Variants in GSE1 observed in about 807,000 individuals in gnomAD.
GSE1 encodes genetic suppressor element 1.
Under a neutral mutation model 112.6 loss-of-function variants are expected in GSE1, and 32 were observed. That is an observed-to-expected ratio of 0.28 (90% CI 0.21 to 0.38). The LOEUF is 0.38. Among genes scored for constraint, GSE1 ranks in the 10% least tolerant of loss-of-function variants. GSE1 has a pLI of 1.00. For missense variants in GSE1, 2,348 were observed against 1,699.2 expected (o/e 1.38, Z -6.71); for synonymous variants, 1,115 against 735.6 (o/e 1.52, Z -8.35).
intron 1 of GSE1, among the ~76,000 whole-genome samples, chr16:85,601,206 T>C (rs2151481921): frequency 6.6e-6 from 1 of 150,970 alleles, no homozygotes; most frequent in East Asian, 2.0e-4. Context: ...AGTGCAGTCG[T>C]GAGGGCCAGG....
At chr16:85,262,031 C>G (rs1240460644) in intron 1 of GSE1, among the ~76,000 whole-genome samples, 2 of 152,136 alleles carry the variant, frequency 1.3e-5, no homozygotes, top group African/African-American at 2.4e-5. Context: ...TGACTTGCCC[C>G]AGGTCACACA....
chr16:85,383,813 C>T lies in GSE1; in HGVS notation c.2464+26170C>T, dbSNP rs557462834. On this transcript the variant is annotated intron_variant, in intron 2 of 2. Coordinates refer to the GSE1 transcript ENST00000637419. ...CCATGAAGGCAGGAAGTCATCCAGC[C>T]GAGAATGGGAGGACCACACAGACCT... Among the ~76,000 whole-genome samples the T allele has an allele frequency of 1.6e-4, 25 of 152,262 alleles. No homozygotes were observed. The Middle Eastern group carries it at 0.01, about 62-fold the overall frequency.
intron 2 of GSE1, among the ~76,000 whole-genome samples, chr16:85,497,936 A>G (rs991413560): frequency 3.3e-5 from 5 of 152,084 alleles, no homozygotes; most frequent in African/African-American, 1.2e-4. Context: ...GGGAGCTGAC[A>G]TCGCTTTTAC....
chr16:85,531,169 C>A (rs1205309060), intron 2 of GSE1, among the ~76,000 whole-genome samples: 1 of 152,216 alleles, frequency 6.6e-6, no homozygotes, highest in Non-Finnish European at 1.5e-5. Flanking sequence ...GGGAAGGGGA[C>A]ATGGGGAAGG....
rs764809148 is a variant in GSE1 at position 85,665,118 on chromosome 16, C to A, written c.2748C>A (p.Val916=). ...LTNSPRDSPA[V]SLSEPATQQA... ...ACTCTCCGAGGGACAGTCCTGCCGT[C>A]TCCCTGAGTGGTAAGGGAAGGATAG... The change falls in exon 12 of 16, where the codon GTC becomes GTA. Residue 916 remains valine, a synonymous_variant. Coordinates refer to ENST00000253458, the MANE Select transcript of GSE1 (RefSeq NM_014615.5). 1 of 1,597,924 alleles carries A rather than the reference C, an allele frequency of 6.3e-7. No homozygotes were observed. Among genetic ancestry groups the A allele is most frequent in the Non-Finnish European group, 8.6e-7 (1 of 1,165,786 alleles).
chr16:85,251,626 C>T (rs1906494258), intron 1 of GSE1, among the ~76,000 whole-genome samples: 1 of 152,256 alleles, frequency 6.6e-6, no homozygotes, highest in South Asian at 2.1e-4. Context: ...GTGGTGGTGC[C>T]TCCCGGGCCT....
intron 1 of GSE1, among the ~76,000 whole-genome samples, chr16:85,220,090 G>C (rs1336106774): frequency 1.3e-5 from 2 of 152,218 alleles, no homozygotes; most frequent in African/African-American, 2.4e-5. Flanking sequence ...CCTTCTGGCT[G>C]GGGGGCCAGC....
intron 1 of GSE1, among the ~76,000 whole-genome samples, chr16:85,566,166 C>T (rs1185891706): frequency 6.6e-6 from 1 of 152,118 alleles, no homozygotes; most frequent in Non-Finnish European, 1.5e-5. Flanking sequence ...TTGATAGCTC[C>T]CAGCTGTCAT....
intron 2 of GSE1, among the ~76,000 whole-genome samples, chr16:85,540,626 T>G: frequency 6.6e-6 from 1 of 152,234 alleles, no homozygotes; most frequent in Non-Finnish European, 1.5e-5. Flanking sequence ...AGCTCTTTGG[T>G]GCTGGAGGTA....
At chr16:85,413,452 TG>T (rs1189727142) in intron 2 of GSE1, among the ~76,000 whole-genome samples, 1 of 151,640 alleles carries the variant, frequency 6.6e-6, no homozygotes, top group Non-Finnish European at 1.5e-5. Flanking sequence ...CGGGTGACCG[TG>T]GAGCACCATC....
chr16:85,647,821 G>A (rs1382761811), intron 2 of GSE1, among the ~76,000 whole-genome samples: 7 of 152,158 alleles, frequency 4.6e-5, no homozygotes, highest in Non-Finnish European at 8.8e-5. Flanking sequence ...TCCTGACCTC[G>A]TGATCTGTCT....
Position 85,334,811 on chromosome 16 carries a change from C to T in GSE1, c.2284-22652C>T, listed in dbSNP as rs554420453. Among the ~76,000 whole-genome samples the T allele has an allele frequency of 1.7e-4, 26 of 152,318 alleles. No individual in the cohort carries two copies. The South Asian group carries it at 1.9e-3, about 11-fold the overall frequency. On this transcript the variant is annotated intron_variant, in intron 1 of 2. Coordinates refer to the GSE1 transcript ENST00000637419. ...TCTGAGAAACTGCGGAGCCAGGAGT[C>T]GCTCTGAAAAGCTGTCCTTTTGTAA...
intron 1 of GSE1, among the ~76,000 whole-genome samples, chr16:85,183,881 C>T (rs1045466116): frequency 1.3e-5 from 2 of 152,190 alleles, no homozygotes; most frequent in African/African-American, 4.8e-5. Flanking sequence ...CACCCTTTGC[C>T]TCCTTTCTAG....
chr16:85,254,278 G>A (rs1273915427), intron 1 of GSE1, among the ~76,000 whole-genome samples: 4 of 152,190 alleles, frequency 2.6e-5, no homozygotes, highest in Admixed American at 1.3e-4. Context: ...GGAACAGGTG[G>A]TGGGACCCAG....
chr16:85,395,518 G>C (rs1301171153), intron 2 of GSE1, among the ~76,000 whole-genome samples: 10 of 152,164 alleles, frequency 6.6e-5, no homozygotes, highest in Non-Finnish European at 1.2e-4. Context: ...ACACAGGCTG[G>C]CATGTTCGCT....
At chr16:85,630,761 C>T (rs752921867) in intron 1 of GSE1, among the ~76,000 whole-genome samples, 19 of 152,120 alleles carry the variant, frequency 1.2e-4, no homozygotes, top group African/African-American at 2.9e-4. Context: ...CCCAGGAAGC[C>T]GGGTTCAAGT....
intron 1 of GSE1, among the ~76,000 whole-genome samples, chr16:85,334,888 G>A (rs1305523959): frequency 6.6e-6 from 1 of 152,024 alleles, no homozygotes; most frequent in Non-Finnish European, 1.5e-5. Context: ...GTCTGCACCC[G>A]GAAGAGAGCT....
At chr16:85,557,122 T>C (rs1395229160) in intron 1 of GSE1, among the ~76,000 whole-genome samples, 2 of 152,134 alleles carry the variant, frequency 1.3e-5, no homozygotes, top group African/African-American at 4.8e-5. Context: ...AAATTAAGTG[T>C]AGGCTACATG....
At chr16:85,304,356 G>A (rs1323066980) in intron 1 of GSE1, among the ~76,000 whole-genome samples, 1 of 152,184 alleles carries the variant, frequency 6.6e-6, no homozygotes, top group African/African-American at 2.4e-5. Flanking sequence ...AGAGGCCCTC[G>A]GTGGGGCCGG....
Sources: gnomAD v4.1 joint callset for allele counts (sites outside exome capture counted in the v4.1 genomes callset) on GRCh38, gnomAD v4.1.1 for gene constraint, MANE v1.5 for transcripts, NCBI Gene and HGNC (gene_info 2026-07-23, HGNC 2026-07-21) for gene names.